ST18: variants seen among roughly 807,000 people sequenced by gnomAD.
The protein encoded by ST18 is suppression of tumorigenicity 18 protein.
Under a neutral mutation model 110.0 loss-of-function variants are expected in ST18, and 50 were observed. The observed-to-expected ratio is 0.45, with a 90% CI of 0.36 to 0.58. The LOEUF is 0.58. Among genes scored for constraint, ST18 ranks in the 20% least tolerant of loss-of-function variants. The pLI, the probability that ST18 is intolerant of heterozygous loss-of-function variation, is 0.00. For synonymous variants in ST18, 461 were observed against 452.4 expected (o/e 1.02, Z -0.24); for missense variants, 1,306 against 1,280.1 (o/e 1.02, Z -0.31).
intron 19 of ST18, 94 bp from the exon 20 acceptor site, chr8:52,133,395 T>G (rs1191830341): frequency 1.4e-6 from 2 of 1,437,566 alleles, no homozygotes; most frequent in Non-Finnish European, 2.0e-6. Context: ...GTAATCACAT[T>G]AATGTTCCAA....
intron 2 of ST18, among the ~76,000 whole-genome samples, chr8:52,338,842 A>G (rs917167860): frequency 3.9e-5 from 6 of 151,910 alleles, no homozygotes; most frequent in African/African-American, 1.2e-4. Flanking sequence ...AGCTCAGTCA[A>G]TCCTCCTACC....
chr8:52,224,609 ACT>A (rs2088484334), intron 3 of ST18, among the ~76,000 whole-genome samples: 1 of 152,142 alleles, frequency 6.6e-6, no homozygotes, highest in Non-Finnish European at 1.5e-5. Flanking sequence ...AACTGGAACC[ACT>A]CTGCAGGAAA....
At chr8:52,198,007 TTTTA>T (rs2076740188) in intron 8 of ST18, among the ~76,000 whole-genome samples, 1 of 151,658 alleles carries the variant, frequency 6.6e-6, no homozygotes, top group Non-Finnish European at 1.5e-5. Flanking sequence ...CATGTGGCTG[TTTTA>T]TTTGTTTGTT....
At chr8:52,259,405 G>T (rs1196600056) in intron 2 of ST18, among the ~76,000 whole-genome samples, 1 of 152,112 alleles carries the variant, frequency 6.6e-6, no homozygotes, top group Non-Finnish European at 1.5e-5. Flanking sequence ...CTTCATACTT[G>T]CAATATTTAA....
chr8:52,190,479 G>A (rs773270416), intron 8 of ST18, among the ~76,000 whole-genome samples: 7 of 152,068 alleles, frequency 4.6e-5, no homozygotes, highest in East Asian at 1.9e-4. Context: ...CTGCCATCAC[G>A]TCAAACAAGT....
At chr8:52,125,917 A>G (rs976255614) in intron 23 of ST18, 135 bp downstream of exon 23, 1 of 722,952 alleles carries the variant, frequency 1.4e-6, no homozygotes, top group Non-Finnish European at 2.2e-6. Context: ...TTTTAGTTCA[A>G]ATCTGAGGAA....
intron 2 of ST18, among the ~76,000 whole-genome samples, chr8:52,240,694 T>C (rs2093318914): frequency 6.6e-6 from 1 of 152,186 alleles, no homozygotes. Context: ...TTCTTAATAT[T>C]CCCAGAGATT....
chr8:52,301,073 G>T (rs1321628207), intron 2 of ST18, among the ~76,000 whole-genome samples: 1 of 152,190 alleles, frequency 6.6e-6, no homozygotes. Flanking sequence ...GGAAAAGGTA[G>T]AATGTCTGAA....
At chr8:52,265,273 A>T (rs938973730) in intron 2 of ST18, among the ~76,000 whole-genome samples, 1 of 152,176 alleles carries the variant, frequency 6.6e-6, no homozygotes, top group Non-Finnish European at 1.5e-5. Flanking sequence ...AACAATGGGG[A>T]GAAGAGGAGA....
At chr8:52,268,947 G>A (rs1161390918) in intron 2 of ST18, among the ~76,000 whole-genome samples, 1 of 152,202 alleles carries the variant, frequency 6.6e-6, no homozygotes, top group Non-Finnish European at 1.5e-5. Context: ...GCAGAACACA[G>A]CGGGCAGTGC....
chr8:52,253,428 T>C (rs1369940846), intron 2 of ST18, among the ~76,000 whole-genome samples: 5 of 152,134 alleles, frequency 3.3e-5, no homozygotes, highest in Admixed American at 6.5e-5. Context: ...AACTTTCTGA[T>C]GAGTCTTCTG....
intron 11 of ST18, among the ~76,000 whole-genome samples, chr8:52,166,398 T>C (rs1435443756): frequency 6.6e-6 from 1 of 152,166 alleles, no homozygotes; most frequent in Non-Finnish European, 1.5e-5. Flanking sequence ...TCTGCCCTGA[T>C]TGCTCCAGAG....
At chr8:52,380,709 T>TA (rs145117385) in intron 2 of ST18, among the ~76,000 whole-genome samples, 19 of 151,236 alleles carry the variant, frequency 1.3e-4, no homozygotes, top group Non-Finnish European at 2.2e-4. Flanking sequence ...TAACATTCAT[T>TA]AAAAAAAAAG....
chr8:52,239,811 T>C (rs1236177276), intron 2 of ST18, among the ~76,000 whole-genome samples: 2 of 152,096 alleles, frequency 1.3e-5, no homozygotes, highest in South Asian at 2.1e-4. Context: ...AACCCCTTTT[T>C]TGAGACAGGT....
chr8:52,270,368 A>G (rs1589476660), intron 2 of ST18, among the ~76,000 whole-genome samples: 1 of 152,138 alleles, frequency 6.6e-6, no homozygotes, highest in Admixed American at 6.5e-5. Context: ...GTGGCTCCCC[A>G]TTATAAACAA....
chr8:52,138,892 T>G (rs2131873035), intron 17 of ST18, among the ~76,000 whole-genome samples: 1 of 152,332 alleles, frequency 6.6e-6, no homozygotes, highest in African/African-American at 2.4e-5. Flanking sequence ...TGGGATAAAC[T>G]AACGCTATTC....
chr8:52,324,831 C>A (rs934313527), intron 2 of ST18, among the ~76,000 whole-genome samples: 6 of 152,154 alleles, frequency 3.9e-5, no homozygotes, highest in Admixed American at 3.3e-4. Context: ...GTGACTATAG[C>A]AATTATATAG....
chr8:52,409,731 T>G lies in ST18; in HGVS notation c.-773A>C, dbSNP rs1191184350. The G allele has an allele frequency of 2.6e-5, 4 of 152,260 alleles. No homozygotes were observed. The highest frequency in any genetic ancestry group is 5.9e-5 in the Non-Finnish European group (4 of 68,070). 9.4% of individuals were successfully genotyped at this position (152,260 alleles called of 1,614,324 possible). ...TTCAGTTAAAAACATCCTGCCCTTC[T>G]CCCTACAAAAAGGTTCCATAGAATC... On this transcript the variant is annotated 5_prime_UTR_variant, in exon 1 of 26. Coordinates refer to ENST00000689386, the MANE Select transcript of ST18 (RefSeq NM_001352837.2).
At chr8:52,400,273 T>A (rs1178548357) in intron 2 of ST18, among the ~76,000 whole-genome samples, 1 of 152,102 alleles carries the variant, frequency 6.6e-6, no homozygotes, top group Non-Finnish European at 1.5e-5. Context: ...TTTCACTCCC[T>A]TCACTTTCAG....
Sources: gnomAD v4.1 joint callset for allele counts (sites outside exome capture counted in the v4.1 genomes callset) on GRCh38, gnomAD v4.1.1 for gene constraint, MANE v1.5 for transcripts, NCBI Gene and HGNC (gene_info 2026-07-23, HGNC 2026-07-21) for gene names.